The following FGD3 variants were observed in gnomAD, a reference collection of about 807,000 sequenced individuals.
FGD3 encodes FYVE, RhoGEF and PH domain containing 3, also known as FYVE, RhoGEF and PH domain-containing protein 3.
A neutral mutation model predicts 71.8 loss-of-function variants in FGD3; 45 were observed. The observed-to-expected ratio is 0.63, with a 90% CI of 0.49 to 0.80. FGD3 has a LOEUF of 0.80. FGD3 is among the 30% of genes least tolerant of loss of function. The pLI is 0.00. For missense variants in FGD3, 844 were observed against 951.5 expected (o/e 0.89, Z 1.49); for synonymous variants, 378 against 392.8 (o/e 0.96, Z 0.44).
At chr9:93,013,786 C>G (rs908854327) in intron 8 of FGD3, 66 bp from the exon 9 acceptor site, 17 of 1,595,526 alleles carry the variant, frequency 1.1e-5, no homozygotes, top group Non-Finnish European at 1.7e-6. Flanking sequence ...GGAAGGACTC[C>G]GTGCATCTCT....
At chr9:92,965,481 G>A (rs1478568738) in intron 1 of FGD3, among the ~76,000 whole-genome samples, 1 of 152,220 alleles carries the variant, frequency 6.6e-6, no homozygotes, top group African/African-American at 2.4e-5. Context: ...GGAGGAAGTG[G>A]TTTGTCCCCA....
At chr9:93,008,395 G>T (rs542989882) in intron 6 of FGD3, among the ~76,000 whole-genome samples, 3 of 152,240 alleles carry the variant, frequency 2.0e-5, no homozygotes, top group African/African-American at 7.2e-5. Flanking sequence ...CACACATTGC[G>T]CTCATTATTG....
chr9:93,029,426 T>C (rs1862270206), intron 14 of FGD3, among the ~76,000 whole-genome samples: 1 of 152,090 alleles, frequency 6.6e-6, no homozygotes, highest in South Asian at 2.1e-4. Flanking sequence ...GCCTGGAGGG[T>C]GTGGCCCGCG....
chr9:92,992,305 G>A (rs1860444304), intron 3 of FGD3, among the ~76,000 whole-genome samples: 1 of 152,094 alleles, frequency 6.6e-6, no homozygotes. Flanking sequence ...TATCATTTGT[G>A]TATCAGCTTT....
chr9:93,014,957 C>G (rs375775948), intron 9 of FGD3, among the ~76,000 whole-genome samples: 1 of 140,820 alleles, frequency 7.1e-6, no homozygotes, highest in Non-Finnish European at 1.5e-5. Context: ...TCACTGCCCC[C>G]GCCCACCCCC....
intron 3 of FGD3, among the ~76,000 whole-genome samples, chr9:92,983,540 C>T (rs114368522): frequency 0.02 from 2,982 of 152,074 alleles, 111 homozygotes; most frequent in African/African-American, 0.068. Context: ...AACCAAAAAA[C>T]GAAAAACAGT....
intron 15 of FGD3, among the ~76,000 whole-genome samples, chr9:93,032,247 G>A (rs537810657): frequency 2.0e-5 from 3 of 152,332 alleles, no homozygotes; most frequent in African/African-American, 7.2e-5. Context: ...TGGTAACTCT[G>A]TGTTTAACAT....
intron 1 of FGD3, among the ~76,000 whole-genome samples, chr9:92,961,346 G>T (rs549681458): frequency 6.6e-6 from 1 of 152,188 alleles, no homozygotes; most frequent in African/African-American, 2.4e-5. Flanking sequence ...AGTTATTCAA[G>T]GGCTTTGAGA....
At chr9:92,992,815 C>A in intron 3 of FGD3, among the ~76,000 whole-genome samples, 1 of 152,222 alleles carries the variant, frequency 6.6e-6, no homozygotes, top group South Asian at 2.1e-4. Context: ...GATCCTAATC[C>A]GGGTGATGTA....
At chr9:92,960,879 G>A (rs187666894) in intron 1 of FGD3, among the ~76,000 whole-genome samples, 15 of 152,002 alleles carry the variant, frequency 9.9e-5, no homozygotes, top group South Asian at 2.1e-4. Context: ...TGATCCCCCC[G>A]GGCCTCTCTC....
At chr9:92,999,365 G>A (rs368002765) in intron 3 of FGD3, among the ~76,000 whole-genome samples, 120 of 152,192 alleles carry the variant, frequency 7.9e-4, no homozygotes, top group African/African-American at 2.6e-3. Context: ...TCCAGGTACC[G>A]TCTGTCACGG....
rs1189665639 is a variant in FGD3, at chr9:93,014,008, G to T, written c.1182+10G>T. ...CCGCCACCTCTTCCTGGTGAGCCTG[G>T]CCCCTGCCAGCCCAGCCGCAGAGCC... On this transcript the variant is annotated intron_variant, in intron 9 of 17. Coordinates refer to ENST00000375482, the MANE Select transcript of FGD3 (RefSeq NM_001083536.2). 1 of 1,594,260 alleles carries T rather than the reference G, an allele frequency of 6.3e-7. No homozygotes were observed. Among genetic ancestry groups the T allele is most frequent in the Non-Finnish European group, 8.5e-7 (1 of 1,171,396 alleles).
intron 15 of FGD3, 92 bp downstream of exon 15, chr9:93,030,088 A>C (rs1428414548): frequency 6.8e-7 from 1 of 1,477,970 alleles, no homozygotes; most frequent in Non-Finnish European, 9.2e-7. Flanking sequence ...CACACCAGCC[A>C]TGCACACCAG....
rs147181630 is a variant in FGD3 at position 93,017,283 on chromosome 9, T to A, written c.1276-853T>A. On this transcript the variant is annotated intron_variant, in intron 10 of 17. Coordinates refer to ENST00000375482, the MANE Select transcript of FGD3 (RefSeq NM_001083536.2). The stretch of plus-strand genomic sequence containing the variant: ...CAAGACCCTGTCTCAAAAATAATTT[T>A]AAAAATAATAATGAAACAACCTTAA... Among the ~76,000 whole-genome samples the A allele has an allele frequency of 9.4e-3, 1,432 of 152,218 alleles. 23 individuals carry two copies. Among genetic ancestry groups the A allele is most frequent in the African/African-American group, 0.033 (1,358 of 41,514 alleles).
intron 13 of FGD3, among the ~76,000 whole-genome samples, chr9:93,021,999 G>C (rs986035714): frequency 2.0e-5 from 3 of 152,196 alleles, no homozygotes; most frequent in African/African-American, 7.2e-5. Flanking sequence ...TGGAGGATGA[G>C]AGAGAACCCA....
chr9:92,984,448 T>C (rs969213434), intron 3 of FGD3, among the ~76,000 whole-genome samples: 11 of 152,242 alleles, frequency 7.2e-5, no homozygotes, highest in Non-Finnish European at 1.5e-4. Context: ...GTATGGGTCC[T>C]GTGAAGGGGG....
intron 10 of FGD3, among the ~76,000 whole-genome samples, chr9:93,016,312 G>GTAGCA (rs947794784): frequency 8.7e-5 from 13 of 150,202 alleles, no homozygotes; most frequent in African/African-American, 3.2e-4. Context: ...AGGCAGATCT[G>GTAGCA]TAGCATGGTC....
intron 16 of FGD3, chr9:93,033,355 T>TCTTCCTCTCCCTC (rs141368213): frequency 0.059 from 8,761 of 149,684 alleles, 470 homozygotes; most frequent in East Asian, 0.096. Context: ...CCCCTTCTCC[T>TCTTCCTCTCCCTC]CTTCCTCTCC....
chr9:93,002,807 C>A, intron 3 of FGD3, 118 bp from the exon 4 acceptor site: 1 of 916,084 alleles, frequency 1.1e-6, no homozygotes, highest in Non-Finnish European at 1.7e-6. Context: ...TCTCTTGCCC[C>A]AGTGGCCTCC....
Sources: gnomAD v4.1 joint callset for allele counts (sites outside exome capture counted in the v4.1 genomes callset) on GRCh38, gnomAD v4.1.1 for gene constraint, MANE v1.5 for transcripts, NCBI Gene and HGNC (gene_info 2026-07-23, HGNC 2026-07-21) for gene names.